Variants in PLEKHG4B observed in about 807,000 individuals in gnomAD.
The protein encoded by PLEKHG4B is pleckstrin homology domain-containing family G member 4B.
In PLEKHG4B, 111 loss-of-function variants were observed where a neutral mutation model predicts 121.3. The ratio of observed to expected loss-of-function variants is 0.92; its 90% CI spans 0.78 to 1.07. PLEKHG4B has a LOEUF of 1.07. Among genes scored for constraint, PLEKHG4B ranks in the 50% least tolerant of loss-of-function variants. PLEKHG4B has a pLI of 0.00. For missense variants in PLEKHG4B, 1,831 were observed against 1,757.8 expected, an observed-to-expected ratio of 1.04 and a Z score of -0.74; for synonymous variants, 738 against 725.0, an observed-to-expected ratio of 1.02 and a Z score of -0.29.
At chr5:152,306 G>C (rs1190188694) in intron 7 of PLEKHG4B, among the ~76,000 whole-genome samples, 1 of 151,524 alleles carries the variant, frequency 6.6e-6, no homozygotes, top group Admixed American at 6.6e-5. Context: ...AAACTCCTGG[G>C]CTCAAGAGAT....
Position 154,855 on chromosome 5 carries a change from C to T in PLEKHG4B, c.1993-20C>T, listed in dbSNP as rs764027689. ...GAGATGCATCTGGAGCCATGACCAA[C>T]GAGTGCCTCTTCTTGGCAGTGTGAG... is the stretch of plus-strand genomic sequence containing the variant. On this transcript the variant is annotated intron_variant, in intron 7 of 19. Coordinates refer to ENST00000637938, the MANE Select transcript of PLEKHG4B (RefSeq NM_052909.5). 1.4e-5 allele frequency: 22 copies of T among 1,593,520 alleles called. No individual in the cohort carries two copies. The highest frequency in any genetic ancestry group is 1.2e-4 in the South Asian group (11 of 90,630).
Position 156,111 on chromosome 5 carries a change from A to C in PLEKHG4B, c.2249A>C (p.Lys750Thr). The C allele has an allele frequency of 6.3e-7, 1 of 1,599,394 alleles. No individual in the cohort carries two copies. Among genetic ancestry groups the C allele is most frequent in the Non-Finnish European group, 8.5e-7 (1 of 1,172,678 alleles). ...ATTGACCAGCATGAGACGATGATGA[A>C]GCTTGTCCTGGAAGACCCACTGCTT... ...ELIDQHETMM[K>T]LVLEDPLLVS... Residue 750 changes from lysine to threonine, a missense_variant, in exon 10 of 20, where the codon AAG (lysine) becomes ACG (threonine). Lys to Thr is a moderately conservative substitution (Grantham distance 78, BLOSUM62 -1). Coordinates refer to ENST00000637938, the MANE Select transcript of PLEKHG4B (RefSeq NM_052909.5). The surrounding 1 kb of genome is among the most constrained non-coding windows in gnomAD (Gnocchi z 4.4).
chr5:102,226 T>C (rs1197638054), intron 1 of PLEKHG4B, among the ~76,000 whole-genome samples: 2 of 152,174 alleles, frequency 1.3e-5, no homozygotes, highest in Non-Finnish European at 2.9e-5. Flanking sequence ...GTGAGATTAA[T>C]CCATATAAAA....
At chr5:145,047 G>GC in intron 6 of PLEKHG4B, 127 bp downstream of exon 6, 1 of 811,004 alleles carries the variant, frequency 1.2e-6, no homozygotes, top group Non-Finnish European at 1.9e-6. Context: ...CGAGATGGGG[G>GC]CCCCTGTGCA....
rs542422472 is a variant in PLEKHG4B at position 137,383 on chromosome 5, G to A, written c.244-2100G>A. 4.6e-5 allele frequency among the ~76,000 whole-genome samples: 7 copies of A among 152,224 alleles called. 1 individual carries two copies. The highest frequency in any genetic ancestry group is 2.1e-4 in the South Asian group (1 of 4,828). Reference sequence around the variant, plus strand: ...ACTTAATGCCACTGAACTGTACCCCGTAAACATAGTTATGCTGGTGAACTT... The same window carrying A: ...ACTTAATGCCACTGAACTGTACCCCATAAACATAGTTATGCTGGTGAACTT... On this transcript the variant is annotated intron_variant, in intron 2 of 19. Transcript: ENST00000637938. The surrounding 1 kb of genome is among the most constrained non-coding windows in gnomAD (Gnocchi z 4.2).
At chr5:167,167 T>C (rs544908425) in intron 13 of PLEKHG4B, among the ~76,000 whole-genome samples, 1 of 152,342 alleles carries the variant, frequency 6.6e-6, no homozygotes, top group African/African-American at 2.4e-5. Flanking sequence ...TCTGGATATT[T>C]ACTGAGGAGG....
In PLEKHG4B at chr5:140,149, A is replaced by T. The variant is rs115781435; in HGVS notation, c.910A>T (p.Asn304Tyr). 1.4e-6 allele frequency: 1 copy of T among 707,600 alleles called. No homozygotes were observed. Among genetic ancestry groups the T allele is most frequent in the East Asian group, 3.0e-5 (1 of 33,016 alleles). 43.8% of individuals were successfully genotyped at this position (707,600 alleles called of 1,614,324 possible). The part of the protein sequence containing the change: ...SEQGPRMPPE[N>Y]CGGSGERPDP... ...GCAGGGCCCACGGATGCCCCCTGAG[A>T]ACTGTGGGGGGTCGGGGGAGAGGCC... The change falls in exon 3 of 20, where the codon AAC becomes TAC. Residue 304 changes from asparagine (N) to tyrosine (Y), a missense_variant. Transcript: ENST00000637938.
chr5:174,032 G>A lies in PLEKHG4B; in HGVS notation c.4336G>A (p.Glu1446Lys), dbSNP rs1736666428. ...DTYILQASSAEVKSAWTDVIG... is the reference protein window; with the variant it reads ...DTYILQASSAKVKSAWTDVIG... ...CTACATTCTCCAAGCAAGCTCGGCA[G>A]AGGTCAAGAGTGCATGGACCGATGT... is the stretch of plus-strand genomic sequence containing the variant. Residue 1446 changes from glutamate (E) to lysine (K), a missense_variant, in exon 18 of 20, where the codon GAG becomes AAG. Transcript: ENST00000637938. 1.9e-6 allele frequency: 3 copies of A among 1,605,662 alleles called. No homozygotes were observed. Among genetic ancestry groups the A allele is most frequent in the Non-Finnish European group, 8.5e-7 (1 of 1,176,696 alleles).
chr5:161,435 A>G (rs1234265835), intron 11 of PLEKHG4B, among the ~76,000 whole-genome samples: 6 of 152,236 alleles, frequency 3.9e-5, no homozygotes, highest in African/African-American at 1.4e-4. Flanking sequence ...AGTCGTGTTC[A>G]TTCACGGGTG....
At position 162,854 on chromosome 5, in the gene PLEKHG4B, C is replaced by G; in HGVS notation, c.2782C>G (p.Leu928Val). The G allele has an allele frequency of 6.6e-7, 1 of 1,517,938 alleles. No homozygotes were observed. The highest frequency in any genetic ancestry group is 1.7e-4 in the Middle Eastern group (1 of 5,722). 94.0% of individuals were successfully genotyped at this position (1,517,938 alleles called of 1,614,324 possible). The change falls in exon 13 of 20, where the codon CTG becomes GTG. Residue 928 changes from leucine to valine, a missense_variant. Transcript: ENST00000637938. ...EAFPGAGVAV[L>V]KPHALGKPWA... is the part of the protein sequence containing the mutation. ...CTTCCCCGGGGCAGGTGTGGCAGTG[C>G]TGAAGCCTCATGCCCTGGGGAAACC...
At chr5:94,991 C>T (rs1440656862) in intron 1 of PLEKHG4B, among the ~76,000 whole-genome samples, 1 of 152,150 alleles carries the variant, frequency 6.6e-6, no homozygotes. Flanking sequence ...ATGTTACTGT[C>T]CTTTAACAGA....
rs779731958 is a variant in PLEKHG4B at position 154,919 on chromosome 5, C to CA, written c.2038dup (p.Ser680LysfsTer18). ...TGAAGGCCGTGCACAAATTTGTTGA[C>CA]AGCTGCCAGCTGACCGCAGACCTCG... is the stretch of plus-strand genomic sequence containing the variant. On this transcript the variant is annotated frameshift_variant, in exon 8 of 20. Transcript: ENST00000637938. LOFTEE classifies it high-confidence loss of function. 2 of 1,613,802 alleles carry CA rather than the reference C, an allele frequency of 1.2e-6. No individual in the cohort carries two copies. The highest frequency in any genetic ancestry group is 1.7e-6 in the Non-Finnish European group (2 of 1,180,040).
intron 2 of PLEKHG4B, among the ~76,000 whole-genome samples, chr5:132,249 C>A (rs909611122): frequency 3.3e-5 from 5 of 151,920 alleles, no homozygotes; most frequent in Non-Finnish European, 7.4e-5. Context: ...ATGACATGAT[C>A]TTGTATTTGG....
At chr5:104,858 A>T (rs1181762749) in intron 1 of PLEKHG4B, among the ~76,000 whole-genome samples, 6 of 152,216 alleles carry the variant, frequency 3.9e-5, no homozygotes, top group Non-Finnish European at 7.3e-5. Context: ...TAACACCATA[A>T]ATTACAACCT....
intron 6 of PLEKHG4B, among the ~76,000 whole-genome samples, chr5:146,155 C>T (rs185073166): frequency 6.8e-6 from 1 of 148,116 alleles, no homozygotes; most frequent in Non-Finnish European, 1.5e-5. Flanking sequence ...CCTCCCTCCT[C>T]TCCCCCATTC....
Position 139,765 on chromosome 5 carries a change from C to G in PLEKHG4B, c.526C>G (p.Leu176Val), listed in dbSNP as rs1446185753. 2.5e-6 allele frequency: 1 copy of G among 399,048 alleles called. No homozygotes were observed. Among genetic ancestry groups the G allele is most frequent in the African/African-American group, 2.1e-5 (1 of 48,620 alleles). 24.7% of individuals were successfully genotyped at this position (399,048 alleles called of 1,614,324 possible). ...GAACCGGGAGCGGCGCCATGTCCCC[C>G]TGCAAACCTGCTTGCTGACCTCAGG... ...WVNRERRHVP[L>V]QTCLLTSGLA... The change falls in exon 3 of 20, where the codon CTG becomes GTG. Residue 176 changes from leucine to valine, a missense_variant. Transcript: ENST00000637938. The surrounding 1 kb of genome is among the most constrained non-coding windows in gnomAD (Gnocchi z 5.0).
At chr5:115,131 T>G (rs941766276) in intron 2 of PLEKHG4B, among the ~76,000 whole-genome samples, 5 of 152,244 alleles carry the variant, frequency 3.3e-5, no homozygotes, top group Non-Finnish European at 7.3e-5. Flanking sequence ...AAAATTACTC[T>G]TGAGCCATAG....
intron 7 of PLEKHG4B, among the ~76,000 whole-genome samples, chr5:152,034 A>G (rs1046097559): frequency 2.6e-5 from 4 of 152,198 alleles, no homozygotes; most frequent in East Asian, 3.8e-4. Flanking sequence ...GTTCATCTCT[A>G]TGAAGTGTGT....
chr5:93,964 C>T (rs1733550589), intron 1 of PLEKHG4B, among the ~76,000 whole-genome samples: 1 of 152,172 alleles, frequency 6.6e-6, no homozygotes, highest in Non-Finnish European at 1.5e-5. Context: ...CTGCCTCCCT[C>T]CTTCCAAACA....
Sources: gnomAD v4.1 joint callset for allele counts (sites outside exome capture counted in the v4.1 genomes callset) on GRCh38, gnomAD v4.1.1 for gene constraint, Gnocchi (gnomAD v3.1) non-coding constraint, MANE v1.5 for transcripts, NCBI Gene and HGNC (gene_info 2026-07-23, HGNC 2026-07-21) for gene names.